RGS22: variants seen among roughly 807,000 people sequenced by gnomAD.
The protein encoded by RGS22 is regulator of G-protein signaling 22.
In RGS22, 148 loss-of-function variants were observed where a neutral mutation model predicts 172.9. The observed-to-expected ratio is 0.86, with a 90% confidence interval of 0.75 to 0.98. The LOEUF (loss-of-function observed/expected upper bound fraction) is 0.98. RGS22 is among the 50% of genes least tolerant of loss of function. The pLI is 0.00. For missense variants in RGS22, 1,347 were observed against 1,440.8 expected (o/e 0.93, Z 1.05); for synonymous variants, 458 against 480.2 (o/e 0.95, Z 0.60).
At chr8:100,027,734 C>T (rs529867451) in intron 14 of RGS22, among the ~76,000 whole-genome samples, 69 of 152,274 alleles carry the variant, frequency 4.5e-4, no homozygotes, top group African/African-American at 1.6e-3. Context: ...CCACCTACCT[C>T]AGCCTCCCAA....
rs1336556608 is a variant in RGS22 at position 100,063,673 on chromosome 8, A to C, written c.1095T>G (p.Phe365Leu). 3.1e-6 allele frequency: 5 copies of C among 1,614,028 alleles called. No homozygotes were observed. The highest frequency in any genetic ancestry group is 4.2e-6 in the Non-Finnish European group (5 of 1,179,976). Residue 365 changes from phenylalanine (F) to leucine (L), a missense_variant, in exon 8 of 28, where the codon TTT becomes TTG. Coordinates refer to ENST00000360863, the MANE Select transcript of RGS22 (RefSeq NM_015668.5). ...DCFESIHGKNFLSELVQTTKE... is the reference protein window; with the variant it reads ...DCFESIHGKNLLSELVQTTKE... ...TTGTAGTTTGAACTAATTCACTTAA[A>C]AAATTCTTGCCATGAATAGACTCAA...
intron 14 of RGS22, among the ~76,000 whole-genome samples, chr8:100,010,670 C>T (rs1816275768): frequency 6.6e-6 from 1 of 152,126 alleles, no homozygotes. Flanking sequence ...GGTGTATCTC[C>T]AATTCCTAGA....
chr8:99,993,206 A>G (rs1028458585), intron 20 of RGS22, among the ~76,000 whole-genome samples: 1 of 152,202 alleles, frequency 6.6e-6, no homozygotes, highest in African/African-American at 2.4e-5. Context: ...AATTAAAAGA[A>G]CTAGAGAAGC....
chr8:99,987,304 A>G (rs1164784447), intron 21 of RGS22, among the ~76,000 whole-genome samples, 154 bp downstream of exon 21: 2 of 152,168 alleles, frequency 1.3e-5, no homozygotes, highest in African/African-American at 4.8e-5. Flanking sequence ...GAGATTGGAC[A>G]ATAAACATCT....
intron 21 of RGS22, 82 bp downstream of exon 21, chr8:99,987,376 G>T: frequency 3.8e-6 from 4 of 1,056,310 alleles, no homozygotes; most frequent in Non-Finnish European, 5.5e-6. Flanking sequence ...CAAATCTTGT[G>T]CATAAAGTTA....
Position 100,047,600 on chromosome 8 carries a change from A to G in RGS22, c.1690-4T>C. 1 of 1,604,774 alleles carries G rather than the reference A, an allele frequency of 6.2e-7. No homozygotes were observed. Among genetic ancestry groups the G allele is most frequent in the South Asian group, 1.1e-5 (1 of 88,724 alleles). On this transcript the variant is annotated splice_polypyrimidine_tract_variant and splice_region_variant and intron_variant, in intron 10 of 27. Coordinates refer to ENST00000360863, the MANE Select transcript of RGS22 (RefSeq NM_015668.5). ...GTGATAAGCTGAATTCTTCTTTCTA[A>G]AAGATGGTAACATAAGCAAGATGAA...
At position 99,979,143 on chromosome 8, in the gene RGS22, T is replaced by C. The variant is rs1777729941; in HGVS notation, c.3361-1068A>G. On this transcript the variant is annotated intron_variant, in intron 22 of 27. Coordinates refer to ENST00000360863, the MANE Select transcript of RGS22 (RefSeq NM_015668.5). ...TTCATTTACATTTACCTGCCATACA[T>C]TTAATTAAGTAATCCCCTGTTCCAA... Among the ~76,000 whole-genome samples, 4 of 152,286 alleles carry C rather than the reference T, an allele frequency of 2.6e-5. No individual in the cohort carries two copies. The South Asian group carries it at 8.3e-4, about 32-fold the overall frequency.
At position 100,080,314 on chromosome 8, in the gene RGS22, A is replaced by G; in HGVS notation, c.159T>C (p.Val53=). 1.2e-6 allele frequency: 2 copies of G among 1,613,506 alleles called. No individual in the cohort carries two copies. Among genetic ancestry groups the G allele is most frequent in the Non-Finnish European group, 1.7e-6 (2 of 1,179,704 alleles). ...GTGGAGCATCATTAGCTACTTCAAA[A>G]ACTCCATAATCTGCATTAAATCTAA... The part of the protein sequence containing the change: ...EAIRFNADYG[V]FEVANDAPQF... Residue 53 remains valine (V), a synonymous_variant, in exon 4 of 28, where the codon GTT becomes GTC. Transcript: ENST00000360863.
chr8:100,023,102 C>CA (rs1236163435), intron 14 of RGS22, among the ~76,000 whole-genome samples: 3 of 152,098 alleles, frequency 2.0e-5, no homozygotes, highest in Non-Finnish European at 4.4e-5. Context: ...TAACAAAGCA[C>CA]ACAGGACTGA....
intron 14 of RGS22, among the ~76,000 whole-genome samples, chr8:100,027,132 G>A (rs569670520): frequency 1.1e-4 from 16 of 152,198 alleles, no homozygotes; most frequent in South Asian, 2.1e-4. Context: ...AGGGGGCACC[G>A]AGGTGGTAGG....
intron 14 of RGS22, among the ~76,000 whole-genome samples, chr8:100,037,515 C>T (rs1447739702): frequency 5.3e-5 from 8 of 152,092 alleles, no homozygotes; most frequent in Admixed American, 5.2e-4. Context: ...AATCCCAAAA[C>T]AGAATAGTCC....
intron 14 of RGS22, among the ~76,000 whole-genome samples, chr8:100,015,316 G>A (rs573171028): frequency 6.6e-6 from 1 of 151,920 alleles, no homozygotes; most frequent in African/African-American, 2.4e-5. Context: ...TTCTTGAGAT[G>A]GAGTCTTGCT....
At chr8:99,965,914 T>A (rs1810680742) in intron 23 of RGS22, among the ~76,000 whole-genome samples, 1 of 152,198 alleles carries the variant, frequency 6.6e-6, no homozygotes. Context: ...GCCTTTGTAT[T>A]TTTTACCATT....
intron 21 of RGS22, among the ~76,000 whole-genome samples, chr8:99,984,350 T>C (rs771256217): frequency 6.6e-6 from 1 of 152,220 alleles, no homozygotes; most frequent in African/African-American, 2.4e-5. Flanking sequence ...AACTATGGAA[T>C]ATAAGGCTTG....
chr8:100,097,512 G>A (rs1043558253), intron 2 of RGS22, among the ~76,000 whole-genome samples: 3 of 152,184 alleles, frequency 2.0e-5, no homozygotes, highest in Non-Finnish European at 4.4e-5. Context: ...AATCTTAGTG[G>A]TAGGTATATC....
In RGS22 at chr8:100,105,959, C is replaced by A; in HGVS notation, c.-38G>T. ...GCCCGCGCCTGGAGCCCGCGCGGGC[C>A]GTCAGGGCCCTAGCGCGCGGGTCCA... On this transcript the variant is annotated 5_prime_UTR_variant, in exon 1 of 28. Coordinates refer to ENST00000360863, the MANE Select transcript of RGS22 (RefSeq NM_015668.5). The A allele has an allele frequency of 7.0e-7, 1 of 1,421,070 alleles. No homozygotes were observed. The highest frequency in any genetic ancestry group is 9.1e-7 in the Non-Finnish European group (1 of 1,093,184). 88.0% of individuals were successfully genotyped at this position (1,421,070 alleles called of 1,614,324 possible).
At chr8:99,991,055 A>G (rs998856793) in intron 20 of RGS22, among the ~76,000 whole-genome samples, 5 of 152,220 alleles carry the variant, frequency 3.3e-5, no homozygotes, top group Non-Finnish European at 5.9e-5. Flanking sequence ...ACAAACAGAA[A>G]GGAACAGCAT....
chr8:100,020,620 G>T (rs1817509493), intron 14 of RGS22, among the ~76,000 whole-genome samples: 3 of 152,132 alleles, frequency 2.0e-5, no homozygotes, highest in Admixed American at 2.0e-4. Context: ...ATGGTTTACT[G>T]GAGCCAGCTT....
At chr8:99,973,868 C>CAAAAAAAAA (rs563552845) in intron 23 of RGS22, among the ~76,000 whole-genome samples, 1 of 94,446 alleles carries the variant, frequency 1.1e-5, no homozygotes, top group African/African-American at 3.8e-5. Flanking sequence ...GACTCCATCT[C>CAAAAAAAAA]AAAAAAAAAA....
Sources: gnomAD v4.1 joint callset for allele counts (sites outside exome capture counted in the v4.1 genomes callset) on GRCh38, gnomAD v4.1.1 for gene constraint, MANE v1.5 for transcripts, NCBI Gene and HGNC (gene_info 2026-07-23, HGNC 2026-07-21) for gene names.